The following ZFP41 variants were observed in gnomAD, a reference collection of about 807,000 sequenced individuals.
ZFP41 encodes zinc finger protein 41 homolog.
Under a neutral mutation model 11.6 loss-of-function variants are expected in ZFP41, and 10 were observed. The observed-to-expected ratio is 0.86, with a 90% CI of 0.53 to 1.47. The LOEUF (loss-of-function observed/expected upper bound fraction) is 1.47, where lower values mean the gene tolerates loss of function less well. ZFP41 is among the 40% of genes most tolerant of loss of function. ZFP41 has a pLI of 0.00. For missense variants in ZFP41, 302 were observed against 264.6 expected (o/e 1.14, Z -0.98); for synonymous variants, 123 against 100.9 (o/e 1.22, Z -1.31).
At chr8:143,254,673 G>A (rs1297879698) in intron 2 of ZFP41, among the ~76,000 whole-genome samples, 1 of 109,052 alleles carries the variant, frequency 9.2e-6, no homozygotes, top group African/African-American at 3.4e-5. Context: ...TCATTCTGTT[G>A]CCAGGCTGGA....
intron 1 of ZFP41, 64 bp from the exon 2 acceptor site, chr8:143,249,626 T>G (rs1189287082): frequency 3.0e-6 from 2 of 658,998 alleles, no homozygotes; most frequent in African/African-American, 3.6e-5. Context: ...GGGCCGCACC[T>G]GAATCCCACA....
chr8:143,252,516 C>T (rs1033103411), intron 2 of ZFP41: 4 of 289,894 alleles, frequency 1.4e-5, no homozygotes, highest in East Asian at 1.8e-4. Context: ...GCCTCCCCAG[C>T]GCAGGTGAGC....
In ZFP41 at chr8:143,250,585, C is replaced by T. The variant is rs1477072685; in HGVS notation, c.*145C>T. 1.0e-5 allele frequency: 14 copies of T among 1,350,662 alleles called. No homozygotes were observed. The highest frequency in any genetic ancestry group is 1.4e-5 in the Non-Finnish European group (14 of 999,038). 83.7% of individuals were successfully genotyped at this position (1,350,662 alleles called of 1,614,324 possible). ...CCTGGGGACCCCCGGAAAAGCAGCC[C>T]AGTCAGATGTGGGAACGTGCCAGCG... On this transcript the variant is annotated 3_prime_UTR_variant, in exon 2 of 3. Coordinates refer to ENST00000330701, the MANE Select transcript of ZFP41 (RefSeq NM_173832.6).
chr8:143,256,681 C>G (rs904396240), intron 2 of ZFP41, among the ~76,000 whole-genome samples: 4 of 152,130 alleles, frequency 2.6e-5, no homozygotes, highest in African/African-American at 9.7e-5. Context: ...AGTTCAAGAC[C>G]TGCTTGGATG....
At chr8:143,255,626 A>T (rs1285363371) in intron 2 of ZFP41, among the ~76,000 whole-genome samples, 1 of 96,800 alleles carries the variant, frequency 1.0e-5, no homozygotes, top group Non-Finnish European at 2.0e-5. Flanking sequence ...ATCAGAGCTC[A>T]CCCCGCGTGC....
intron 2 of ZFP41, among the ~76,000 whole-genome samples, chr8:143,255,670 C>G (rs1236815711): frequency 7.5e-6 from 1 of 134,078 alleles, no homozygotes; most frequent in Non-Finnish European, 1.6e-5. Flanking sequence ...GCCCCACGTG[C>G]TGGAGTTAGT....
chr8:143,256,267 G>A (rs1308486846), intron 2 of ZFP41, among the ~76,000 whole-genome samples: 2 of 92,640 alleles, frequency 2.2e-5, no homozygotes, highest in African/African-American at 4.8e-5. Context: ...GTGAGATCAC[G>A]GCTCGCCCCG....
At position 143,259,987 on chromosome 8, in the gene ZFP41, T is replaced by G. The variant is rs924331441; in HGVS notation, c.*1113T>G. ...CCAGGGAGTGCGGTGTGCGGCAGAG[T>G]GCGTGCAGGGAAGCAGCCTCTGAAA... On this transcript the variant is annotated 3_prime_UTR_variant, in exon 3 of 3. Transcript: ENST00000330701. 1.3e-5 allele frequency: 2 copies of G among 150,370 alleles called. No homozygotes were observed. Among genetic ancestry groups the G allele is most frequent in the Admixed American group, 6.6e-5 (1 of 15,068 alleles). 9.3% of individuals were successfully genotyped at this position (150,370 alleles called of 1,614,324 possible). A position where few individuals can be genotyped will look rare whatever the true frequency, so the allele number is the denominator to read the frequency against.
At chr8:143,251,720 G>C (rs762255798) in intron 2 of ZFP41, among the ~76,000 whole-genome samples, 2 of 152,318 alleles carry the variant, frequency 1.3e-5, no homozygotes, top group Admixed American at 6.5e-5. Flanking sequence ...GGGTGGAAAC[G>C]TTTACTGGGT....
chr8:143,254,426 G>T (rs2130713659), intron 2 of ZFP41, among the ~76,000 whole-genome samples: 1 of 152,286 alleles, frequency 6.6e-6, no homozygotes, highest in South Asian at 2.1e-4. Context: ...AAAGAAACCA[G>T]GGGGCGGGAC....
intron 2 of ZFP41, among the ~76,000 whole-genome samples, chr8:143,256,312 C>T (rs534834904): frequency 1.9e-5 from 2 of 106,220 alleles, no homozygotes; most frequent in African/African-American, 8.4e-5. Context: ...GCTCGCCCCG[C>T]GTGCTGGTGT....
In ZFP41 at chr8:143,256,344, C is replaced by T. The variant is rs537856665; in HGVS notation, c.*901-3431C>T. On this transcript the variant is annotated intron_variant, in intron 2 of 2. Coordinates refer to ENST00000330701, the MANE Select transcript of ZFP41 (RefSeq NM_173832.6). ...GTGTTAGTGAGATCAGGGCTCACCC[C>T]GCGTGCTGGAGTTAGTGAGATCAGG... 1.2e-3 allele frequency among the ~76,000 whole-genome samples: 147 copies of T among 124,380 alleles called. 3 individuals are homozygous for T. The highest frequency in any genetic ancestry group is 4.8e-3 in the African/African-American group (145 of 30,008). The allele number at this position is 124,380 out of a possible 152,430, so 81.6% of individuals were successfully genotyped here.
At chr8:143,255,824 G>C (rs113801481) in intron 2 of ZFP41, among the ~76,000 whole-genome samples, 1 of 118,458 alleles carries the variant, frequency 8.4e-6, no homozygotes, top group East Asian at 2.8e-4. Context: ...AGTGAGATCA[G>C]GGCTCGCCCC....
chr8:143,247,225 C>G (rs1450339464), intron 1 of ZFP41, 83 bp downstream of exon 1: 2 of 152,832 alleles, frequency 1.3e-5, no homozygotes, highest in Non-Finnish European at 2.9e-5. Flanking sequence ...CGCACCCCGG[C>G]GCTCCAGGGA....
Position 143,250,122 on chromosome 8 carries a change from G to T in ZFP41, c.279G>T (p.Gly93=). 1 of 1,614,166 alleles carries T rather than the reference G, an allele frequency of 6.2e-7. No individual in the cohort carries two copies. Among genetic ancestry groups the T allele is most frequent in the South Asian group, 1.1e-5 (1 of 91,084 alleles). ...RKKPYECSEC[G]RIFKHKTDHI... ...AACCCTATGAGTGCAGTGAGTGTGG[G>T]CGGATCTTTAAGCACAAGACAGACC... Residue 93 remains glycine, a synonymous_variant, in exon 2 of 3, where the codon GGG becomes GGT. Transcript: ENST00000330701.
intron 2 of ZFP41, among the ~76,000 whole-genome samples, chr8:143,251,956 C>G (rs371115793): frequency 6.6e-6 from 1 of 152,188 alleles, no homozygotes; most frequent in African/African-American, 2.4e-5. Context: ...TGCTGCTGGC[C>G]TGGACAGAGG....
In ZFP41 at chr8:143,260,906, C is replaced by G. The variant is rs988637432; in HGVS notation, c.*2032C>G. On this transcript the variant is annotated 3_prime_UTR_variant, in exon 3 of 3. Coordinates refer to ENST00000330701, the MANE Select transcript of ZFP41 (RefSeq NM_173832.6). ...TTGTGACTTTGCTCTGCTGCAGGGA[C>G]CTGCCATGGAGTGTCCCTTGTGCGA... 6.3e-6 allele frequency: 1 copy of G among 159,508 alleles called. No homozygotes were observed. The highest frequency in any genetic ancestry group is 1.4e-5 in the Non-Finnish European group (1 of 72,638). 9.9% of individuals were successfully genotyped at this position (159,508 alleles called of 1,614,324 possible).
At chr8:143,253,659 T>A (rs575384537) in intron 2 of ZFP41, 335 of 152,316 alleles carry the variant, frequency 2.2e-3, no homozygotes, top group Non-Finnish European at 3.7e-3. Context: ...CCTGGTATAG[T>A]TTGGACGTCT....
intron 1 of ZFP41, chr8:143,247,587 A>G (rs943841735): frequency 6.6e-6 from 1 of 152,286 alleles, no homozygotes; most frequent in Non-Finnish European, 1.5e-5. Context: ...GCCCACGGAT[A>G]CCCAGAGCTT....
Sources: gnomAD v4.1 joint callset for allele counts (sites outside exome capture counted in the v4.1 genomes callset) on GRCh38, gnomAD v4.1.1 for gene constraint, MANE v1.5 for transcripts, NCBI Gene and HGNC (gene_info 2026-07-23, HGNC 2026-07-21) for gene names.